ZFYVE26: variants seen among roughly 807,000 people sequenced by gnomAD.
The protein encoded by ZFYVE26 is zinc finger FYVE domain-containing protein 26.
Under a neutral mutation model 276.5 loss-of-function variants are expected in ZFYVE26, and 181 were observed. That is an observed-to-expected ratio of 0.65 (90% CI 0.58 to 0.74). The LOEUF (loss-of-function observed/expected upper bound fraction) is 0.74. ZFYVE26 is among the 30% of genes least tolerant of loss of function. The pLI, the probability that ZFYVE26 is intolerant of heterozygous loss-of-function variation, is 0.00. For synonymous variants in ZFYVE26, 1,129 were observed against 1,203.1 expected (o/e 0.94, Z 1.27); for missense variants, 2,821 against 3,097.9 (o/e 0.91, Z 2.12).
At chr14:67,772,588 A>G (rs1408150684) in intron 27 of ZFYVE26, among the ~76,000 whole-genome samples, 2 of 152,184 alleles carry the variant, frequency 1.3e-5, no homozygotes, top group East Asian at 3.8e-4. Flanking sequence ...TCCACAAATA[A>G]AAAAGAGGTA....
chr14:67,731,212 T>C (rs79356114), intron 13 of ZFYVE26, among the ~76,000 whole-genome samples: 1,446 of 137,230 alleles, frequency 0.011, 16 homozygotes, highest in African/African-American at 0.037. Context: ...TCTTTCTTTT[T>C]TTTTTTTTTT....
chr14:67,773,551 G>GCACA (rs200418943), intron 27 of ZFYVE26, among the ~76,000 whole-genome samples: 4 of 125,884 alleles, frequency 3.2e-5, no homozygotes, highest in East Asian at 2.2e-4. Context: ...AAAAAAAAAG[G>GCACA]CGCACACACA....
chr14:67,735,322 C>A, intron 13 of ZFYVE26: 1 of 799,880 alleles, frequency 1.3e-6, no homozygotes, highest in Non-Finnish European at 2.3e-6. Context: ...TCTCGCCCGA[C>A]ACCAAAAGGA....
intron 39 of ZFYVE26, 123 bp downstream of exon 39, chr14:67,753,584 C>T: frequency 9.4e-7 from 1 of 1,068,164 alleles, no homozygotes; most frequent in Non-Finnish European, 1.4e-6. Flanking sequence ...TCCTTGATTT[C>T]ATCCCTAATG....
intron 28 of ZFYVE26, among the ~76,000 whole-genome samples, chr14:67,770,724 T>G (rs1788571599): frequency 6.6e-6 from 1 of 152,192 alleles, no homozygotes; most frequent in South Asian, 2.1e-4. Flanking sequence ...CAGTAGGCAG[T>G]CAATAAAGGC....
rs528502466 is a variant in ZFYVE26 at position 67,759,036 on chromosome 14, G to A, written c.6588+2330C>T. Among the ~76,000 whole-genome samples the A allele has an allele frequency of 4.6e-3, 698 of 151,422 alleles. 5 individuals carry two copies. The highest frequency in any genetic ancestry group is 0.011 in the African/African-American group (458 of 41,330). On this transcript the variant is annotated intron_variant, in intron 35 of 41. Coordinates refer to ENST00000347230, the MANE Select transcript of ZFYVE26 (RefSeq NM_015346.4). ...GGGCAGATCACAAGGTCAGGAGATTGAGACCATCCTGGCTAACATGGTGAA... is the reference window on the plus strand; with the variant it reads ...GGGCAGATCACAAGGTCAGGAGATTAAGACCATCCTGGCTAACATGGTGAA...
rs150387113 is a variant in ZFYVE26 at position 67,793,691 on chromosome 14, A to G, written c.2470T>C (p.Ser824Pro). Residue 824 changes from serine to proline, a missense_variant, in exon 14 of 42, where the codon TCA (serine) becomes CCA (proline). Transcript: ENST00000347230. ...GGGGAGAACATCATGGGGATGAGTG[A>G]ACTTTGAGGATGGGGGTGCAATCTA... ...HSRLHPHPQS[S>P]LIPMMFSPPE... 3.7e-5 allele frequency: 60 copies of G among 1,613,888 alleles called. No homozygotes were observed. The African/African-American group carries it at 7.5e-4, about 20-fold the overall frequency.
At chr14:67,762,581 C>T in intron 33 of ZFYVE26, 91 bp downstream of exon 33, 1 of 1,598,164 alleles carries the variant, frequency 6.3e-7, no homozygotes, top group Non-Finnish European at 8.5e-7. Context: ...GGCAGGACAA[C>T]TGAGAGACGG....
chr14:67,740,411 CAA>C (rs1050572182), intron 13 of ZFYVE26, among the ~76,000 whole-genome samples: 90 of 151,854 alleles, frequency 5.9e-4, no homozygotes, highest in African/African-American at 2.1e-3. Flanking sequence ...AATTAAAAGA[CAA>C]ATTATAATTT....
At chr14:67,800,930 T>TAAATA (rs762716934) in intron 10 of ZFYVE26, among the ~76,000 whole-genome samples, 2 of 148,380 alleles carry the variant, frequency 1.3e-5, no homozygotes, top group Non-Finnish European at 3.0e-5. Context: ...ACCGTATAAA[T>TAAATA]AAATAAATAA....
downstream of ZFYVE26, among the ~76,000 whole-genome samples, chr14:67,744,538 G>C (rs1005829320): frequency 6.6e-6 from 1 of 152,082 alleles, no homozygotes; most frequent in Non-Finnish European, 1.5e-5. Flanking sequence ...GCACGCATTA[G>C]GTATTTGTCC....
At chr14:67,767,683 A>T in intron 31 of ZFYVE26, 21 bp downstream of exon 31, 1 of 1,614,058 alleles carries the variant, frequency 6.2e-7, no homozygotes, top group Non-Finnish European at 8.5e-7. Flanking sequence ...TTAAGTGACC[A>T]TTGCATTTTA....
At chr14:67,774,930 G>GAAAA in intron 27 of ZFYVE26, 86 bp downstream of exon 27, 1 of 704,816 alleles carries the variant, frequency 1.4e-6, no homozygotes, top group Non-Finnish European at 2.2e-6. Context: ...AAAAAAAGAA[G>GAAAA]CAAAAAAAAA....
Position 67,803,958 on chromosome 14 carries a change from A to T in ZFYVE26, c.1435+143T>A, listed in dbSNP as rs187281682. Reference sequence around the variant, plus strand: ...CTATATCCCATAAACTGATTAGGACAAACAGTGCTCATTTAGAGGAGACCT... The same window carrying T: ...CTATATCCCATAAACTGATTAGGACTAACAGTGCTCATTTAGAGGAGACCT... On this transcript the variant is annotated intron_variant, in intron 9 of 41. Coordinates refer to ENST00000347230, the MANE Select transcript of ZFYVE26 (RefSeq NM_015346.4). 1.6e-4 allele frequency: 172 copies of T among 1,077,226 alleles called. 2 individuals are homozygous for T. The East Asian group carries it at 3.6e-3, about 22-fold the overall frequency. 66.7% of individuals were successfully genotyped at this position (1,077,226 alleles called of 1,614,324 possible). A position where few individuals can be genotyped will look rare whatever the true frequency, so the allele number is the denominator to read the frequency against.
In ZFYVE26 at chr14:67,766,218, G is replaced by T; in HGVS notation, c.6011+9C>A. On this transcript the variant is annotated intron_variant, in intron 32 of 41. Transcript: ENST00000347230. ...CTGTGTAAAAGAATAGAGACCCACT[G>T]CCCTCTACCTGTCACAAAGAGCCAA... 1 of 1,613,596 alleles carries T rather than the reference G, an allele frequency of 6.2e-7. No individual in the cohort carries two copies. The highest frequency in any genetic ancestry group is 8.5e-7 in the Non-Finnish European group (1 of 1,179,702).
At chr14:67,772,586 T>C (rs1444042616) in intron 27 of ZFYVE26, among the ~76,000 whole-genome samples, 4 of 151,898 alleles carry the variant, frequency 2.6e-5, no homozygotes, top group South Asian at 2.1e-4. Context: ...CCTCCACAAA[T>C]AAAAAAGAGG....
At chr14:67,797,421 C>T in intron 12 of ZFYVE26, 1 of 536,754 alleles carries the variant, frequency 1.9e-6, no homozygotes, top group Non-Finnish European at 3.3e-6. Context: ...ATGAAAAAAG[C>T]AAGCTGCAGT....
downstream of ZFYVE26, among the ~76,000 whole-genome samples, chr14:67,742,690 G>A (rs181901969): frequency 3.3e-3 from 500 of 152,156 alleles, no homozygotes; most frequent in African/African-American, 0.011. Flanking sequence ...GATAGGATTT[G>A]GCTTTGGACA....
chr14:67,769,898 A>G (rs1010411123), intron 28 of ZFYVE26, 168 bp from the exon 29 acceptor site: 27 of 880,910 alleles, frequency 3.1e-5, no homozygotes, highest in Non-Finnish European at 4.7e-5. Flanking sequence ...TCAAAAATTG[A>G]ATGTTTAAAA....
Sources: gnomAD v4.1 joint callset for allele counts (sites outside exome capture counted in the v4.1 genomes callset) on GRCh38, gnomAD v4.1.1 for gene constraint, MANE v1.5 for transcripts, NCBI Gene and HGNC (gene_info 2026-07-23, HGNC 2026-07-21) for gene names.